The following DCAF6 variants were observed in gnomAD, a reference collection of about 807,000 sequenced individuals.
DCAF6 encodes the protein DDB1- and CUL4-associated factor 6.
DCAF6 carries 54 observed loss-of-function variants against 125.1 expected under a neutral mutation model. The observed-to-expected ratio is 0.43, with a 90% CI of 0.35 to 0.54. DCAF6 has a LOEUF of 0.54. DCAF6 is among the 20% of genes least tolerant of loss of function. The pLI is 0.01. For synonymous variants in DCAF6, 371 were observed against 390.4 expected (o/e 0.95, Z 0.58); for missense variants, 934 against 1,161.7 (o/e 0.80, Z 2.85).
the DCAF6 span, chr1:167,920,128 C>T: frequency 3.1e-6 from 4 of 1,300,248 alleles, no homozygotes; most frequent in African/African-American, 2.9e-5. Flanking sequence ...AGAATACATA[C>T]TGCTTCAATA....
At chr1:168,021,129 C>A (rs1685619153) in intron 11 of DCAF6, among the ~76,000 whole-genome samples, 1 of 151,772 alleles carries the variant, frequency 6.6e-6, no homozygotes, top group Admixed American at 6.6e-5. Flanking sequence ...TAGTTTTTTC[C>A]CCGTGACTTA....
chr1:168,068,457 C>A lies in DCAF6; in HGVS notation c.2785C>A (p.Arg929=). 1 of 1,497,060 alleles carries A rather than the reference C, an allele frequency of 6.7e-7. No homozygotes were observed. Among genetic ancestry groups the A allele is most frequent in the Non-Finnish European group, 8.9e-7 (1 of 1,117,722 alleles). The allele number at this position is 1,497,060 out of a possible 1,614,324, so 92.7% of individuals were successfully genotyped here. A position where few individuals can be genotyped will look rare whatever the true frequency, so the allele number is the denominator to read the frequency against. Residue 929 remains arginine (R), a synonymous_variant, in exon 21 of 22, where the codon CGA becomes AGA. Transcript: ENST00000367840. ...GATGTTGGCTTCACTTAATCATATC[C>A]GAGCTGGTAGGAACTTTAAGTATAC... ...LRMLASLNHI[R]ADRLEGDRSE...
At chr1:168,030,003 CAT>C (rs1320725696) in intron 12 of DCAF6, among the ~76,000 whole-genome samples, 1 of 149,816 alleles carries the variant, frequency 6.7e-6, no homozygotes, top group Admixed American at 6.7e-5. Context: ...AGAAAAGAAA[CAT>C]GTCTAAGGTT....
the DCAF6 span, among the ~76,000 whole-genome samples, chr1:167,871,289 A>G: frequency 6.6e-6 from 1 of 152,208 alleles, no homozygotes; most frequent in Non-Finnish European, 1.5e-5. Context: ...GATAAAATTC[A>G]ATTTGCCTTC....
the DCAF6 span, chr1:167,880,617 G>A: frequency 6.3e-6 from 10 of 1,594,176 alleles, no homozygotes; most frequent in African/African-American, 9.4e-5. Context: ...GCCCTGTGAG[G>A]GAGAGAGACA....
chr1:167,883,224 G>C, the DCAF6 span, among the ~76,000 whole-genome samples: 1 of 152,172 alleles, frequency 6.6e-6, no homozygotes, highest in Non-Finnish European at 1.5e-5. Flanking sequence ...TTTTAGTAGA[G>C]ACAGGGTTTC....
chr1:167,925,299 A>G, the DCAF6 span, among the ~76,000 whole-genome samples: 11 of 151,846 alleles, frequency 7.2e-5, no homozygotes, highest in Admixed American at 6.6e-4. Flanking sequence ...TACTATTCAT[A>G]CTTGTACCCC....
chr1:168,009,405 C>T (rs538611098), intron 10 of DCAF6, among the ~76,000 whole-genome samples: 136 of 127,924 alleles, frequency 1.1e-3, no homozygotes, highest in African/African-American at 4.0e-3. Context: ...CTTTCTTTCT[C>T]TCTCTCTCTT....
At chr1:168,039,738 AAT>A (rs1395024316) in intron 13 of DCAF6, among the ~76,000 whole-genome samples, 1 of 148,474 alleles carries the variant, frequency 6.7e-6, no homozygotes, top group African/African-American at 2.4e-5. Flanking sequence ...CTGTTACTAT[AAT>A]ATATGTAATA....
chr1:167,927,992 G>A, the DCAF6 span, among the ~76,000 whole-genome samples: 1 of 152,038 alleles, frequency 6.6e-6, no homozygotes, highest in East Asian at 1.9e-4. Flanking sequence ...TAAAAGATGT[G>A]GACAAGTGAC....
intron 5 of DCAF6, among the ~76,000 whole-genome samples, chr1:167,988,337 T>TA (rs1203898644): frequency 4.6e-5 from 7 of 152,048 alleles, no homozygotes; most frequent in African/African-American, 1.4e-4. Context: ...ATTTTTTTTT[T>TA]ATTTGTAGTA....
At position 168,045,031 on chromosome 1, in the gene DCAF6, T is replaced by TC; in HGVS notation, c.2063dup (p.Asp689ArgfsTer4). The stretch of plus-strand genomic sequence containing the variant: ...TGAAAAAGCCAAGGAACCAGAAACT[T>TC]CAGATCAGACTAGCACTGAGAGTGC... On this transcript the variant is annotated frameshift_variant, in exon 16 of 22. Transcript: ENST00000367840. LOFTEE classifies it high-confidence loss of function. 6.2e-7 allele frequency: 1 copy of TC among 1,613,998 alleles called. No individual in the cohort carries two copies. The highest frequency in any genetic ancestry group is 8.5e-7 in the Non-Finnish European group (1 of 1,179,940).
intron 4 of DCAF6, among the ~76,000 whole-genome samples, chr1:167,980,916 CTTTTTT>C (rs71100920): frequency 8.8e-6 from 1 of 113,568 alleles, no homozygotes; most frequent in Non-Finnish European, 1.8e-5. Flanking sequence ...TCTGAATTTT[CTTTTTT>C]TTTTTTTTTT....
chr1:168,009,211 G>A (rs573757107), intron 10 of DCAF6, among the ~76,000 whole-genome samples: 3 of 151,658 alleles, frequency 2.0e-5, no homozygotes, highest in East Asian at 2.0e-4. Context: ...TGTTGGCCAC[G>A]ATGGTCTCAA....
chr1:168,038,536 G>C, intron 13 of DCAF6, 48 bp downstream of exon 13: 5 of 1,336,260 alleles, frequency 3.7e-6, no homozygotes, highest in Non-Finnish European at 5.2e-6. Flanking sequence ...TTGTAGGATT[G>C]TATTAGATTT....
chr1:168,070,300 T>C (rs957161013), intron 21 of DCAF6, among the ~76,000 whole-genome samples: 4 of 152,096 alleles, frequency 2.6e-5, no homozygotes, highest in African/African-American at 9.7e-5. Flanking sequence ...CTTTAAGATA[T>C]CTAGTTATTT....
the DCAF6 span, among the ~76,000 whole-genome samples, chr1:167,908,069 C>A: frequency 9.2e-5 from 14 of 152,150 alleles, no homozygotes; most frequent in Admixed American, 7.8e-4. Flanking sequence ...GGGTATATAC[C>A]CAAAGGAATT....
intron 1 of DCAF6, chr1:167,937,312 A>G: frequency 8.3e-6 from 3 of 362,488 alleles, no homozygotes; most frequent in South Asian, 4.2e-5. Context: ...GACTTGCGGA[A>G]CCTCCAGGAG....
At chr1:168,017,004 T>C (rs1685063443) in intron 11 of DCAF6, among the ~76,000 whole-genome samples, 1 of 152,062 alleles carries the variant, frequency 6.6e-6, no homozygotes, top group Admixed American at 6.5e-5. Context: ...ACATTTTATA[T>C]GTGGTAAAAT....
Sources: allele counts gnomAD v4.1 joint callset (sites outside exome capture counted in the v4.1 genomes callset), GRCh38; gene constraint gnomAD v4.1.1; transcripts MANE v1.5; gene names NCBI Gene and HGNC (gene_info 2026-07-23, HGNC 2026-07-21).